Variants in ZNF664 observed in about 807,000 individuals in gnomAD.
ZNF664 encodes zinc finger protein 664, also known as zinc finger Organ of Corti 1.
ZNF664 carries 10 observed loss-of-function variants against 18.2 expected under a neutral mutation model. The ratio of observed to expected loss-of-function variants is 0.55; its 90% CI spans 0.34 to 0.93. The LOEUF (loss-of-function observed/expected upper bound fraction) is 0.93. Ranked by LOEUF, ZNF664 falls within the 40% of genes least tolerant of loss-of-function variation. ZNF664 has a pLI of 0.02. For synonymous variants in ZNF664, 119 were observed against 104.2 expected (o/e 1.14, Z -0.86); for missense variants, 193 against 319.0 (o/e 0.61, Z 3.01).
Position 124,012,316 on chromosome 12 carries a change from G to T in ZNF664, c.172G>T (p.Val58Phe). The part of the protein sequence containing the change: ...IHWRDHTGEK[V>F]YKCDDCGKDF... ...TTGGAGAGACCATACAGGAGAGAAGGTCTATAAATGTGATGATTGTGGTAA... is the reference window on the plus strand; with the variant it reads ...TTGGAGAGACCATACAGGAGAGAAGTTCTATAAATGTGATGATTGTGGTAA... Residue 58 changes from valine to phenylalanine, a missense_variant, in exon 5 of 5, where the codon GTC becomes TTC. Val to Phe is a conservative substitution (Grantham distance 50, BLOSUM62 -1). This residue lies in a region of ZNF664 where 90 missense variants were observed against 118.9 expected (regional missense o/e 0.76). Coordinates refer to ENST00000337815, the MANE Select transcript of ZNF664 (RefSeq NM_152437.3). 2 of 1,614,184 alleles carry T rather than the reference G, an allele frequency of 1.2e-6. No homozygotes were observed. The highest frequency in any genetic ancestry group is 1.7e-6 in the Non-Finnish European group (2 of 1,180,026).
intron 3 of ZNF664, among the ~76,000 whole-genome samples, chr12:123,993,476 C>T (rs530222318): frequency 2.6e-5 from 4 of 152,258 alleles, no homozygotes; most frequent in South Asian, 4.2e-4. Context: ...ATTAAGTGGA[C>T]GAGACCTCTG....
intron 3 of ZNF664, 122 bp downstream of exon 3, chr12:123,988,260 GCT>G (rs1206825936): frequency 1.1e-5 from 9 of 852,624 alleles, no homozygotes; most frequent in Non-Finnish European, 1.1e-5. Flanking sequence ...TGAGGAAGCA[GCT>G]CTCCGTGCAC....
intron 2 of ZNF664, among the ~76,000 whole-genome samples, chr12:123,980,016 A>C (rs994113795): frequency 4.6e-5 from 7 of 152,210 alleles, no homozygotes; most frequent in Admixed American, 1.3e-4. Flanking sequence ...GTAGATTTGT[A>C]TGTACTGACA....
chr12:123,977,274 G>A (rs963199321), intron 2 of ZNF664, among the ~76,000 whole-genome samples: 1 of 152,076 alleles, frequency 6.6e-6, no homozygotes, highest in African/African-American at 2.4e-5. Context: ...TGACAAAGCG[G>A]TAATATGTGA....
chr12:123,984,409 G>A (rs973460097), intron 2 of ZNF664, among the ~76,000 whole-genome samples: 5 of 152,162 alleles, frequency 3.3e-5, no homozygotes, highest in Admixed American at 3.3e-4. Flanking sequence ...TGAGTGGGAA[G>A]TGAAGCAATA....
Position 123,988,103 on chromosome 12 carries a change from C to T in ZNF664, c.-696C>T, listed in dbSNP as rs1956845696. On this transcript the variant is annotated 5_prime_UTR_variant, in exon 3 of 5. Coordinates refer to ENST00000337815, the MANE Select transcript of ZNF664 (RefSeq NM_152437.3). ...GTGGGCCCTGCCTCTGCCTGTTCTTCTGGAATGTCTTGGGGGTTTTGATCC... is the reference window on the plus strand; with the variant it reads ...GTGGGCCCTGCCTCTGCCTGTTCTTTTGGAATGTCTTGGGGGTTTTGATCC... 2 of 1,231,618 alleles carry T rather than the reference C, an allele frequency of 1.6e-6. No individual in the cohort carries two copies. The highest frequency in any genetic ancestry group is 2.0e-6 in the Non-Finnish European group (2 of 987,894). The allele number at this position is 1,231,618 out of a possible 1,614,324, so 76.3% of individuals were successfully genotyped here.
At chr12:123,988,000 C>G in intron 2 of ZNF664, 43 bp from the exon 3 acceptor site, 3 of 1,231,108 alleles carry the variant, frequency 2.4e-6, no homozygotes, top group Non-Finnish European at 1.0e-6. Flanking sequence ...CCTAAATTCT[C>G]TATAAATAAA....
At position 123,973,923 on chromosome 12, in the gene ZNF664, T is replaced by C; in HGVS notation, c.-854T>C. 8.1e-7 allele frequency: 1 copy of C among 1,231,932 alleles called. No homozygotes were observed. Among genetic ancestry groups the C allele is most frequent in the Non-Finnish European group, 1.0e-6 (1 of 988,110 alleles). The allele number at this position is 1,231,932 out of a possible 1,614,324, so 76.3% of individuals were successfully genotyped here. ...CCGGCAGAGGAGGCGAGCATCCCGC[T>C]CAGGTGATGAGGAACCCCTCGCGCA... On this transcript the variant is annotated 5_prime_UTR_variant, in exon 2 of 5. Coordinates refer to ENST00000337815, the MANE Select transcript of ZNF664 (RefSeq NM_152437.3).
Position 124,012,544 on chromosome 12 carries a change from CAG to C in ZNF664, c.405_406del (p.Arg135SerfsTer9), listed in dbSNP as rs1490749860. 3 of 1,614,076 alleles carry C rather than the reference CAG, an allele frequency of 1.9e-6. No homozygotes were observed. The highest frequency in any genetic ancestry group is 1.1e-5 in the South Asian group (1 of 91,076). On this transcript the variant is annotated frameshift_variant, in exon 5 of 5. Coordinates refer to ENST00000337815, the MANE Select transcript of ZNF664 (RefSeq NM_152437.3). LOFTEE classifies it high-confidence loss of function. ...TAATAGTTCAAACCTTTGCATGCAT[CAG>C]AGAGTCCACACCGGAGAGAAGCCCT... Reference protein sequence around the residue: ...FSNSSNLCMHQRVHTGEKPFK... With the variant: ...FSNSSNLCMHXRVHTGEKPFK...
chr12:123,995,871 C>G (rs1025845494), intron 3 of ZNF664, among the ~76,000 whole-genome samples: 1 of 152,168 alleles, frequency 6.6e-6, no homozygotes, highest in African/African-American at 2.4e-5. Flanking sequence ...TTTTGTACCC[C>G]CTGACTGGAC....
At chr12:123,998,141 A>G (rs1018727169) in intron 3 of ZNF664, among the ~76,000 whole-genome samples, 2 of 152,092 alleles carry the variant, frequency 1.3e-5, no homozygotes, top group Admixed American at 6.5e-5. Flanking sequence ...TTCCTGTGCA[A>G]CTTTTTCTAA....
intron 3 of ZNF664, chr12:123,989,465 A>T (rs892316297): frequency 6.6e-6 from 1 of 152,176 alleles, no homozygotes; most frequent in African/African-American, 2.4e-5. Context: ...AGTCATGTCT[A>T]ATATTTTATG....
intron 3 of ZNF664, among the ~76,000 whole-genome samples, chr12:124,009,228 A>T (rs1957107622): frequency 6.6e-6 from 1 of 152,206 alleles, no homozygotes; most frequent in Non-Finnish European, 1.5e-5. Flanking sequence ...TTTGCAGCTT[A>T]TTTGTCAAAA....
chr12:123,974,355 C>T (rs1006594073), intron 2 of ZNF664: 6 of 247,744 alleles, frequency 2.4e-5, no homozygotes, highest in Non-Finnish European at 4.6e-5. Context: ...AAAAAGATTT[C>T]TGAGCTATTG....
intron 2 of ZNF664, chr12:123,987,834 T>G: frequency 2.2e-6 from 1 of 444,696 alleles, no homozygotes; most frequent in Non-Finnish European, 3.0e-6. Context: ...TGGATTTTCC[T>G]TTCTGTGGTT....
In ZNF664 at chr12:124,011,807, C is replaced by CA; in HGVS notation, c.-333dup. ...CTACAAGAGGAAGATTCCAGGGGCT[C>CA]AAAAACGCAAAGGTTTGCACTTTGA... On this transcript the variant is annotated 5_prime_UTR_variant, in exon 5 of 5. The change creates a premature stop within an existing upstream ORF in the 5' untranslated region. Transcript: ENST00000337815. 8.9e-7 allele frequency: 1 copy of CA among 1,118,354 alleles called. No individual in the cohort carries two copies. The highest frequency in any genetic ancestry group is 1.1e-6 in the Non-Finnish European group (1 of 919,150). The allele number at this position is 1,118,354 out of a possible 1,614,324, so 69.3% of individuals were successfully genotyped here.
chr12:124,010,992 G>A (rs930870663), intron 3 of ZNF664, among the ~76,000 whole-genome samples: 5 of 152,202 alleles, frequency 3.3e-5, no homozygotes, highest in African/African-American at 1.2e-4. Flanking sequence ...GGGGAGAGGG[G>A]CAGGTCAGGT....
At position 124,013,137 on chromosome 12, in the gene ZNF664, C is replaced by T; in HGVS notation, c.*207C>T. 1 of 691,430 alleles carries T rather than the reference C, an allele frequency of 1.4e-6. No individual in the cohort carries two copies. The highest frequency in any genetic ancestry group is 2.4e-6 in the Non-Finnish European group (1 of 420,758). The allele number at this position is 691,430 out of a possible 1,614,324, so 42.8% of individuals were successfully genotyped here. On this transcript the variant is annotated 3_prime_UTR_variant, in exon 5 of 5. Transcript: ENST00000337815. ...GAATGTGGACCTCTGAGCATCCACG[C>T]AGGATGGCTCTCAGGTCCCAGTCAC...
At chr12:123,979,776 C>T (rs1956739914) in intron 2 of ZNF664, among the ~76,000 whole-genome samples, 2 of 152,018 alleles carry the variant, frequency 1.3e-5, no homozygotes. Flanking sequence ...GCCTCCTGGG[C>T]TCAAGTGATC....
Sources: allele counts gnomAD v4.1 joint callset (sites outside exome capture counted in the v4.1 genomes callset), GRCh38; gene constraint gnomAD v4.1.1; regional missense constraint gnomAD v4.1.1; transcripts MANE v1.5; gene names NCBI Gene and HGNC (gene_info 2026-07-23, HGNC 2026-07-21).